Variants in VSTM4 observed in about 807,000 individuals in gnomAD.
VSTM4 encodes the protein V-set and transmembrane domain-containing protein 4.
Under a neutral mutation model 36.4 loss-of-function variants are expected in VSTM4, and 20 were observed. That is an observed-to-expected ratio of 0.55 (90% CI 0.39 to 0.80). VSTM4 has a LOEUF of 0.80. Ranked by LOEUF, VSTM4 falls within the 30% of genes least tolerant of loss-of-function variation. The pLI is 0.00. For missense variants in VSTM4, 392 were observed against 404.5 expected (o/e 0.97, Z 0.26); for synonymous variants, 182 against 173.9 (o/e 1.05, Z -0.37).
At chr10:49,041,652 T>C (rs1843523534) in intron 7 of VSTM4, among the ~76,000 whole-genome samples, 1 of 152,174 alleles carries the variant, frequency 6.6e-6, no homozygotes, top group African/African-American at 2.4e-5. Flanking sequence ...CACAAAAGAT[T>C]TTCATGTTTA....
intron 7 of VSTM4, among the ~76,000 whole-genome samples, chr10:49,046,275 C>T (rs1377828645): frequency 6.6e-6 from 1 of 152,108 alleles, no homozygotes; most frequent in African/African-American, 2.4e-5. Context: ...GAGGGACATT[C>T]TAAAAAATCA....
chr10:49,098,322 G>A (rs1412024304), intron 2 of VSTM4, among the ~76,000 whole-genome samples: 1 of 152,210 alleles, frequency 6.6e-6, no homozygotes, highest in African/African-American at 2.4e-5. Context: ...TGGCCTGCTC[G>A]TGATGAATGA....
At chr10:49,057,003 A>AG (rs1167425772) in intron 5 of VSTM4, among the ~76,000 whole-genome samples, 1 of 151,706 alleles carries the variant, frequency 6.6e-6, no homozygotes, top group Admixed American at 6.6e-5. Context: ...ATCCGGCGAG[A>AG]GGGGGGCAAG....
chr10:49,107,875 G>A lies in VSTM4; in HGVS notation c.176C>T (p.Ala59Val), dbSNP rs528257279. The A allele has an allele frequency of 3.7e-6, 6 of 1,614,222 alleles. No individual in the cohort carries two copies. The highest frequency in any genetic ancestry group is 5.1e-6 in the Non-Finnish European group (6 of 1,180,028). ...GGAGTGTGCAAAGAACCAGCGCACG[G>A]CCAGCAAGCTGTCCTTCCGCCTTTT... ...SQKRRKDSLL[A>V]VRWFFAHSFD... The change falls in exon 2 of 8, where the codon GCC (alanine) becomes GTC (valine). Residue 59 changes from alanine (A) to valine (V), a missense_variant. Physicochemically the swap from Ala to Val is moderately conservative, Grantham distance 64 (BLOSUM62 0). Coordinates refer to ENST00000332853, the MANE Select transcript of VSTM4 (RefSeq NM_001031746.5).
intron 4 of VSTM4, among the ~76,000 whole-genome samples, chr10:49,068,162 C>G (rs1844007263): frequency 6.6e-6 from 1 of 152,088 alleles, no homozygotes; most frequent in Non-Finnish European, 1.5e-5. Flanking sequence ...GCACCATTCT[C>G]AGAGACACTG....
intron 2 of VSTM4, among the ~76,000 whole-genome samples, chr10:49,087,826 A>T: frequency 6.6e-6 from 1 of 151,448 alleles, no homozygotes; most frequent in East Asian, 1.9e-4. Context: ...TTTCTCTGTG[A>T]TCTAACTACC....
chr10:49,059,859 A>G (rs969365234), intron 5 of VSTM4, among the ~76,000 whole-genome samples: 17 of 152,286 alleles, frequency 1.1e-4, no homozygotes, highest in African/African-American at 3.6e-4. Flanking sequence ...TTGTATTTTT[A>G]TAGTTAATCC....
chr10:49,103,466 C>T, intron 2 of VSTM4: 1 of 1,019,114 alleles, frequency 9.8e-7, no homozygotes, highest in Non-Finnish European at 1.2e-6. Context: ...TTCTTTAAAC[C>T]CTTTCAGTAT....
At chr10:49,090,596 C>G (rs1403592778) in intron 2 of VSTM4, among the ~76,000 whole-genome samples, 1 of 152,136 alleles carries the variant, frequency 6.6e-6, no homozygotes, top group African/African-American at 2.4e-5. Flanking sequence ...TGATGCTGCC[C>G]CTCTCTGCCC....
At chr10:49,038,797 C>T (rs1843473118) in intron 7 of VSTM4, among the ~76,000 whole-genome samples, 1 of 152,004 alleles carries the variant, frequency 6.6e-6, no homozygotes, top group African/African-American at 2.4e-5. Context: ...GGCTTGAGGA[C>T]CCCCGTTAGG....
At chr10:49,027,723 T>A (rs577928454) in intron 7 of VSTM4, among the ~76,000 whole-genome samples, 3 of 152,234 alleles carry the variant, frequency 2.0e-5, no homozygotes, top group Admixed American at 6.5e-5. Context: ...ATTGGCTTTT[T>A]TTACTGAGCA....
chr10:49,029,149 G>T (rs1413826841), intron 7 of VSTM4, among the ~76,000 whole-genome samples: 1 of 152,192 alleles, frequency 6.6e-6, no homozygotes, highest in Non-Finnish European at 1.5e-5. Flanking sequence ...CCCAACTCAG[G>T]AGAGTAAAGT....
At chr10:49,107,301 G>A (rs72785051) in intron 2 of VSTM4, among the ~76,000 whole-genome samples, 25,411 of 152,294 alleles carry the variant, frequency 0.17, 2,340 homozygotes, top group Non-Finnish European at 0.22. Flanking sequence ...GCACACAGCA[G>A]TCCAACTTCA....
chr10:49,106,353 TCAATTTCAAAG>T (rs1844782350), intron 2 of VSTM4, among the ~76,000 whole-genome samples: 2 of 152,214 alleles, frequency 1.3e-5, no homozygotes, highest in South Asian at 4.1e-4. Flanking sequence ...CAAACTAAAT[TCAATTTCAAAG>T]CAATCAAAGG....
chr10:49,083,561 AG>A (rs1442692436), intron 3 of VSTM4, among the ~76,000 whole-genome samples: 1 of 152,214 alleles, frequency 6.6e-6, no homozygotes, highest in Non-Finnish European at 1.5e-5. Flanking sequence ...AGCTGCTCTG[AG>A]GCAGGCACTA....
rs181886975 is a variant in VSTM4 at position 49,017,353 on chromosome 10, A to C, written c.*2297T>G. 6.6e-6 allele frequency: 1 copy of C among 152,392 alleles called. No individual in the cohort carries two copies. The highest frequency in any genetic ancestry group is 2.4e-5 in the African/African-American group (1 of 41,592). 9.4% of individuals were successfully genotyped at this position (152,392 alleles called of 1,614,324 possible). A position where few individuals can be genotyped will look rare whatever the true frequency, so the allele number is the denominator to read the frequency against. On this transcript the variant is annotated 3_prime_UTR_variant, in exon 8 of 8. Coordinates refer to ENST00000332853, the MANE Select transcript of VSTM4 (RefSeq NM_001031746.5). ...TGCCTGGATGCTGTCCATAGCTTCC[A>C]AGATTCCCCTGGGCAGCATTTTCAG... is the stretch of plus-strand genomic sequence containing the variant.
At chr10:49,051,897 TA>T (rs1843704124) in intron 5 of VSTM4, among the ~76,000 whole-genome samples, 1 of 152,116 alleles carries the variant, frequency 6.6e-6, no homozygotes, top group African/African-American at 2.4e-5. Context: ...TAGTGTTTTT[TA>T]AATCATATTA....
At chr10:49,067,183 A>G (rs573199435) in intron 4 of VSTM4, among the ~76,000 whole-genome samples, 2 of 150,922 alleles carry the variant, frequency 1.3e-5, no homozygotes, top group East Asian at 1.9e-4. Flanking sequence ...ATGATGAAAA[A>G]GTTTAGATGT....
intron 1 of VSTM4, among the ~76,000 whole-genome samples, chr10:49,108,712 CCAAAAG>C (rs1435830315): frequency 6.6e-6 from 1 of 152,188 alleles, no homozygotes; most frequent in African/African-American, 2.4e-5. Context: ...TCCCAACAAC[CCAAAAG>C]ACACTTTGGA....
Sources: gnomAD v4.1 joint callset for allele counts (sites outside exome capture counted in the v4.1 genomes callset) on GRCh38, gnomAD v4.1.1 for gene constraint, MANE v1.5 for transcripts, NCBI Gene and HGNC (gene_info 2026-07-23, HGNC 2026-07-21) for gene names.